Variants in IPO9 observed in about 807,000 individuals in gnomAD.
IPO9 encodes the protein importin 9, also known as importin-9.
A neutral mutation model predicts 128.6 loss-of-function variants in IPO9; 28 were observed. That is an observed-to-expected ratio of 0.22 (90% confidence interval 0.16 to 0.30). The LOEUF is 0.30. IPO9 is among the 10% of genes least tolerant of loss of function. IPO9 has a pLI of 1.00. For missense variants in IPO9, 935 were observed against 1,293.9 expected (o/e 0.72, Z 4.26); for synonymous variants, 455 against 475.8 (o/e 0.96, Z 0.57).
intron 16 of IPO9, among the ~76,000 whole-genome samples, chr1:201,869,329 A>G (rs1680609179): frequency 6.6e-6 from 1 of 152,198 alleles, no homozygotes; most frequent in African/African-American, 2.4e-5. Context: ...ACCTTTACAC[A>G]GTGCCACTAA....
intron 6 of IPO9, 129 bp downstream of exon 6, chr1:201,853,226 T>A (rs1010613775): frequency 5.5e-6 from 4 of 726,928 alleles, no homozygotes; most frequent in Non-Finnish European, 9.6e-6. Flanking sequence ...TTTAACATTT[T>A]TATTAAATTA....
At chr1:201,855,558 A>C (rs1362797494) in intron 9 of IPO9, among the ~76,000 whole-genome samples, 1 of 152,244 alleles carries the variant, frequency 6.6e-6, no homozygotes, top group African/African-American at 2.4e-5. Flanking sequence ...TGGAAAATAT[A>C]TCCAGTGTTT....
Position 201,866,801 on chromosome 1 carries a change from A to G in IPO9, c.1697A>G (p.Asp566Gly). The G allele has an allele frequency of 1.2e-6, 2 of 1,614,098 alleles. No homozygotes were observed. Among genetic ancestry groups the G allele is most frequent in the Middle Eastern group, 1.6e-4 (1 of 6,062 alleles). ...CAGCCCTTCCTCCCCAGCATCCTTG[A>G]TGGCTTAATTCACCTAGCAGCCCAG... ...VLQPFLPSIL[D>G]GLIHLAAQFS... is the part of the protein sequence containing the mutation. The change falls in exon 15 of 24, where the codon GAT becomes GGT. Residue 566 changes from aspartate to glycine, a missense_variant. By Grantham distance (94) the Asp-to-Gly change is moderately conservative (BLOSUM62 -1). Transcript: ENST00000361565.
In IPO9 at chr1:201,829,234, G is replaced by T; in HGVS notation, c.25G>T (p.Ala9Ser). Reference sequence around the variant, plus strand: ...GATGGCGGCGGCGGCGGCAGCTGGTGCGGCCTCCGGGCTGCCGGGTCCAGT... The same window carrying T: ...GATGGCGGCGGCGGCGGCAGCTGGTTCGGCCTCCGGGCTGCCGGGTCCAGT... Reference protein sequence around the residue: MAAAAAAGAASGLPGPVAQ... With the variant: MAAAAAAGSASGLPGPVAQ... The change falls in exon 1 of 24, where the codon GCG (alanine) becomes TCG (serine). Residue 9 changes from alanine to serine, a missense_variant. By Grantham distance (99) the Ala-to-Ser change is moderately conservative. Around this residue, in one of 3 missense-constraint regions of IPO9, gnomAD observed 741 missense variants for 1,019.1 expected, o/e 0.73. Coordinates refer to ENST00000361565, the MANE Select transcript of IPO9 (RefSeq NM_018085.5). 1 of 1,569,810 alleles carries T rather than the reference G, an allele frequency of 6.4e-7. No individual in the cohort carries two copies. The highest frequency in any genetic ancestry group is 2.0e-4 in the Middle Eastern group (1 of 5,060).
intron 3 of IPO9, among the ~76,000 whole-genome samples, 178 bp from the exon 4 acceptor site, chr1:201,848,215 A>C (rs1402558556): frequency 6.6e-6 from 1 of 152,182 alleles, no homozygotes; most frequent in Non-Finnish European, 1.5e-5. Context: ...TGGACTGCAT[A>C]AGTTTAGAGA....
chr1:201,876,084 C>T lies in IPO9; in HGVS notation c.*30C>T. ...GGGAGCCTTTCTACATTTGCTCCTT[C>T]TGGGCCAGCCGCAAACCATTTTGCA... On this transcript the variant is annotated 3_prime_UTR_variant, in exon 24 of 24. Transcript: ENST00000361565. The T allele has an allele frequency of 6.9e-7, 1 of 1,440,614 alleles. No individual in the cohort carries two copies. The highest frequency in any genetic ancestry group is 9.8e-7 in the Non-Finnish European group (1 of 1,022,108). 89.2% of individuals were successfully genotyped at this position (1,440,614 alleles called of 1,614,324 possible).
chr1:201,832,353 G>A (rs2102865915), intron 1 of IPO9, among the ~76,000 whole-genome samples: 1 of 151,046 alleles, frequency 6.6e-6, no homozygotes, highest in Middle Eastern at 3.5e-3. Context: ...CCACCTCCCA[G>A]GTTCAAGCAA....
chr1:201,872,419 A>G (rs542391459), intron 19 of IPO9, among the ~76,000 whole-genome samples: 3 of 152,078 alleles, frequency 2.0e-5, no homozygotes, highest in South Asian at 2.1e-4. Context: ...CCCGGGCAAC[A>G]TGGTGAAACC....
intron 13 of IPO9, 63 bp from the exon 14 acceptor site, chr1:201,863,385 G>A: frequency 2.0e-6 from 3 of 1,470,624 alleles, no homozygotes; most frequent in South Asian, 1.4e-5. Flanking sequence ...ATGTGGGAAA[G>A]AGAAAGAACA....
intron 1 of IPO9, 92 bp from the exon 2 acceptor site, chr1:201,847,187 T>C (rs1680137457): frequency 6.8e-6 from 6 of 882,628 alleles, no homozygotes; most frequent in Middle Eastern, 2.6e-4. Flanking sequence ...TTAAGTTTCT[T>C]TCTGGAATCT....
chr1:201,853,082 G>A lies in IPO9; in HGVS notation c.675G>A (p.Met225Ile). The A allele has an allele frequency of 6.2e-7, 1 of 1,614,046 alleles. No homozygotes were observed. Among genetic ancestry groups the A allele is most frequent in the East Asian group, 2.2e-5 (1 of 44,882 alleles). The change falls in exon 6 of 24, where the codon ATG becomes ATA. Residue 225 changes from methionine to isoleucine, a missense_variant. Physicochemically the swap from Met to Ile is conservative, Grantham distance 10 (BLOSUM62 1). Transcript: ENST00000361565. The part of the protein sequence containing the change: ...FTTCAHMICN[M>I]EELEKGAAKV... ...CTTGTGCCCATATGATCTGTAACAT[G>A]GAGGAGCTGGAAAAGGTAAGCAGGT...
intron 1 of IPO9, among the ~76,000 whole-genome samples, chr1:201,846,419 C>T (rs917800283): frequency 6.6e-6 from 1 of 152,226 alleles, no homozygotes; most frequent in African/African-American, 2.4e-5. Context: ...GTAGCCCAGG[C>T]TGAAATGCAG....
chr1:201,869,764 C>T (rs758149208), intron 17 of IPO9, 46 bp downstream of exon 17: 100 of 1,606,490 alleles, frequency 6.2e-5, no homozygotes, highest in Non-Finnish European at 8.2e-5. Context: ...GCTCCCCAGC[C>T]ATGGGCTTAT....
intron 13 of IPO9, among the ~76,000 whole-genome samples, chr1:201,862,945 G>A (rs1680476444): frequency 6.6e-6 from 1 of 152,104 alleles, no homozygotes. Context: ...GGGAAAACTG[G>A]GAAATTGATT....
At chr1:201,867,037 C>A (rs774691180) in intron 15 of IPO9, 78 bp downstream of exon 15, 12 of 1,210,512 alleles carry the variant, frequency 9.9e-6, no homozygotes, top group African/African-American at 3.0e-5. Context: ...GAAAGATTCC[C>A]TAGGTCTGGT....
Position 201,874,843 on chromosome 1 carries a change from G to T in IPO9, c.2845G>T (p.Asp949Tyr), listed in dbSNP as rs1680729420. ...TCATCTCCAAGTAGATGACTCCAAT[G>T]ATATGTGGGAGGACCAGGAGGAGGA... Reference protein sequence around the residue: ...PAEWSQDDSNDMWEDQEEEEE... With the variant: ...PAEWSQDDSNYMWEDQEEEEE... The change falls in exon 22 of 24, where the codon GAT becomes TAT. Residue 949 changes from aspartate to tyrosine, a missense_variant. Physicochemically the swap from Asp to Tyr is radical, Grantham distance 160. Transcript: ENST00000361565. 6.2e-7 allele frequency: 1 copy of T among 1,611,358 alleles called. No individual in the cohort carries two copies. The highest frequency in any genetic ancestry group is 1.3e-5 in the African/African-American group (1 of 74,866).
intron 5 of IPO9, among the ~76,000 whole-genome samples, chr1:201,852,587 G>T (rs1230796563): frequency 6.6e-6 from 1 of 152,128 alleles, no homozygotes; most frequent in Non-Finnish European, 1.5e-5. Context: ...ATATATATTT[G>T]ATTAGTGTGT....
intron 1 of IPO9, among the ~76,000 whole-genome samples, chr1:201,845,054 T>C (rs1377287060): frequency 1.1e-4 from 16 of 152,102 alleles, no homozygotes; most frequent in Non-Finnish European, 2.4e-4. Context: ...TTCCCTCTTG[T>C]TGCCCAGGCT....
intron 16 of IPO9, among the ~76,000 whole-genome samples, chr1:201,869,219 C>A (rs1680608006): frequency 6.6e-6 from 1 of 152,124 alleles, no homozygotes. Flanking sequence ...CCACTGCACT[C>A]CAGCCTGGGT....
Sources: gnomAD v4.1 joint callset for allele counts (sites outside exome capture counted in the v4.1 genomes callset) on GRCh38, gnomAD v4.1.1 for gene constraint, gnomAD v4.1.1 regional missense constraint, MANE v1.5 for transcripts, NCBI Gene and HGNC (gene_info 2026-07-23, HGNC 2026-07-21) for gene names.